Variants in P3H2 observed in about 807,000 individuals in gnomAD.
P3H2 encodes the protein prolyl 3-hydroxylase 2, also known as leprecan-like 1.
P3H2 carries 80 observed loss-of-function variants against 87.0 expected under a neutral mutation model. That is an observed-to-expected ratio of 0.92 (90% CI 0.77 to 1.11). The LOEUF (loss-of-function observed/expected upper bound fraction) is 1.11, where lower values mean the gene tolerates loss of function less well. Ranked by LOEUF, P3H2 falls within the 50% of genes least tolerant of loss-of-function variation. P3H2 has a pLI of 0.00. For synonymous variants in P3H2, 367 were observed against 359.3 expected, an observed-to-expected ratio of 1.02 and a Z score of -0.24; for missense variants, 1,001 against 923.9, an observed-to-expected ratio of 1.08 and a Z score of -1.08.
At position 189,994,138 on chromosome 3, in the gene P3H2, T is replaced by C. The variant is rs190460815; in HGVS notation, c.779A>G (p.Tyr260Cys). Residue 260 changes from tyrosine to cysteine, a missense_variant, in exon 3 of 15, where the codon TAT (tyrosine) becomes TGT (cysteine). Tyr to Cys is a radical substitution (Grantham distance 194). Coordinates refer to ENST00000319332, the MANE Select transcript of P3H2 (RefSeq NM_018192.4). ...LCEGPQRFEE[Y>C]EYLGYKAGLY... Reference sequence around the variant, plus strand: ...ACCAGCCTTATACCCTAAATACTCATATTCTTCAAATCTCTGAGGCCCCTC... The same window carrying C: ...ACCAGCCTTATACCCTAAATACTCACATTCTTCAAATCTCTGAGGCCCCTC... The C allele has an allele frequency of 6.2e-7, 1 of 1,613,604 alleles. No homozygotes were observed. Among genetic ancestry groups the C allele is most frequent in the Admixed American group, 1.7e-5 (1 of 59,980 alleles).
intron 1 of P3H2, among the ~76,000 whole-genome samples, chr3:190,003,676 G>T (rs1724290268): frequency 6.6e-6 from 1 of 152,146 alleles, no homozygotes; most frequent in African/African-American, 2.4e-5. Flanking sequence ...TAGACAAGTC[G>T]TCTCTGCCTC....
intron 1 of P3H2, among the ~76,000 whole-genome samples, chr3:190,015,375 A>G (rs1724719453): frequency 6.6e-6 from 1 of 152,200 alleles, no homozygotes; most frequent in Admixed American, 6.5e-5. Flanking sequence ...TCCACTTTAG[A>G]AACTAAATTG....
rs540488868 is a variant in P3H2 at position 190,006,224 on chromosome 3, T to C, written c.481-10782A>G. ...CTTGCATTGATCTTATAAATACTAA[T>C]TGCAATTAAGTCTATAGAAGACTAG... On this transcript the variant is annotated intron_variant, in intron 1 of 14. Transcript: ENST00000319332. Among the ~76,000 whole-genome samples the C allele has an allele frequency of 2.0e-5, 3 of 152,326 alleles. No individual in the cohort carries two copies. The South Asian group carries it at 6.2e-4, about 32-fold the overall frequency.
At chr3:190,067,143 C>A (rs1365910312) in intron 1 of P3H2, among the ~76,000 whole-genome samples, 1 of 151,776 alleles carries the variant, frequency 6.6e-6, no homozygotes, top group Non-Finnish European at 1.5e-5. Context: ...CCACACCCAG[C>A]CTTATTCTTA....
chr3:190,115,142 T>C (rs1352062979), intron 1 of P3H2, among the ~76,000 whole-genome samples: 1 of 152,216 alleles, frequency 6.6e-6, no homozygotes, highest in East Asian at 1.9e-4. Context: ...TCTAATGTAA[T>C]TGTGTCTTTA....
At chr3:190,097,773 T>C (rs1319929553) in intron 1 of P3H2, among the ~76,000 whole-genome samples, 1 of 152,186 alleles carries the variant, frequency 6.6e-6, no homozygotes, top group Admixed American at 6.5e-5. Flanking sequence ...AAGTGTTGTT[T>C]TAAGCAGCAG....
At position 189,962,161 on chromosome 3, in the gene P3H2, C is replaced by CTT. The variant is rs770628547; in HGVS notation, c.2034+1795_2034+1796dup. Among the ~76,000 whole-genome samples, 193 of 87,572 alleles carry CTT rather than the reference C, an allele frequency of 2.2e-3. 2 individuals are homozygous for CTT. Among genetic ancestry groups the CTT allele is most frequent in the African/African-American group, 7.4e-3 (156 of 21,166 alleles). The allele number at this position is 87,572 out of a possible 152,430, so 57.5% of individuals were successfully genotyped here. ...GCCTTTCTTTCTTTTTCTTCTTCTT[C>CTT]TTTTTTTTTTTTTTTTTTTTTTTTA... On this transcript the variant is annotated intron_variant, in intron 14 of 14. Coordinates refer to ENST00000319332, the MANE Select transcript of P3H2 (RefSeq NM_018192.4).
chr3:189,962,207 C>T (rs908627475), intron 14 of P3H2, among the ~76,000 whole-genome samples: 5 of 129,786 alleles, frequency 3.9e-5, no homozygotes, highest in Admixed American at 9.1e-5. Context: ...TCACTCTTGT[C>T]GCCCAGGTTA....
At chr3:190,093,240 A>T (rs1206457623) in intron 1 of P3H2, among the ~76,000 whole-genome samples, 1 of 152,230 alleles carries the variant, frequency 6.6e-6, no homozygotes, top group Non-Finnish European at 1.5e-5. Context: ...GCTCTGTGTC[A>T]TTTGTCTGCA....
At chr3:190,121,371 A>G (rs1290254390), upstream of P3H2, among the ~76,000 whole-genome samples, 1 of 151,932 alleles carries the variant, frequency 6.6e-6, no homozygotes, top group Non-Finnish European at 1.5e-5. Flanking sequence ...ATAAATAAAT[A>G]GAAAAAAAAC....
intron 1 of P3H2, among the ~76,000 whole-genome samples, chr3:190,065,982 T>G (rs186675441): frequency 1.3e-5 from 2 of 152,142 alleles, no homozygotes; most frequent in Admixed American, 6.5e-5. Context: ...TTCAGGAGTG[T>G]GCTATATAAT....
At chr3:189,964,648 T>G (rs1003452319) in intron 13 of P3H2, among the ~76,000 whole-genome samples, 2 of 152,290 alleles carry the variant, frequency 1.3e-5, no homozygotes, top group Non-Finnish European at 2.9e-5. Context: ...TAATTCTGTA[T>G]GATATTTCAT....
intron 2 of P3H2, among the ~76,000 whole-genome samples, chr3:189,994,801 G>C: frequency 6.7e-6 from 1 of 150,112 alleles, no homozygotes; most frequent in East Asian, 1.9e-4. Flanking sequence ...GTAATGTTTA[G>C]TCTATATAAA....
At chr3:190,089,751 C>A (rs941397655) in intron 1 of P3H2, among the ~76,000 whole-genome samples, 13 of 152,164 alleles carry the variant, frequency 8.5e-5, no homozygotes, top group African/African-American at 3.1e-4. Flanking sequence ...ACTTTCCAAA[C>A]CCATGGAGTC....
intron 13 of P3H2, 53 bp from the exon 14 acceptor site, chr3:189,964,151 C>T: frequency 2.0e-6 from 3 of 1,513,742 alleles, no homozygotes; most frequent in Non-Finnish European, 2.8e-6. Context: ...TAAACATTTC[C>T]ACAACTCCTG....
At chr3:189,990,133 A>G (rs1723834075) in intron 3 of P3H2, among the ~76,000 whole-genome samples, 1 of 152,184 alleles carries the variant, frequency 6.6e-6, no homozygotes, top group Non-Finnish European at 1.5e-5. Context: ...GAGGGACCCC[A>G]AAACACAACA....
rs372315659 is a variant in P3H2, at chr3:190,052,078, T to A, written c.481-56636A>T. Among the ~76,000 whole-genome samples, 7 of 152,232 alleles carry A rather than the reference T, an allele frequency of 4.6e-5. No homozygotes were observed. The East Asian group carries it at 1.2e-3, about 25-fold the overall frequency. ...AGAAATAGAATAAACAAATCATTTTTAAAATAAATTTTACTTTAAGTTCTG... is the reference window on the plus strand; with the variant it reads ...AGAAATAGAATAAACAAATCATTTTAAAAATAAATTTTACTTTAAGTTCTG... On this transcript the variant is annotated intron_variant, in intron 1 of 14. Coordinates refer to ENST00000319332, the MANE Select transcript of P3H2 (RefSeq NM_018192.4).
intron 1 of P3H2, among the ~76,000 whole-genome samples, chr3:190,114,641 A>C (rs1712219209): frequency 6.6e-6 from 1 of 152,202 alleles, no homozygotes. Flanking sequence ...AAATCTAGCT[A>C]GATGAACAAT....
intron 1 of P3H2, among the ~76,000 whole-genome samples, chr3:190,039,902 C>G (rs948680585): frequency 1.3e-5 from 2 of 152,150 alleles, no homozygotes; most frequent in African/African-American, 4.8e-5. Context: ...ATAATGAATG[C>G]ATTAAGCTTT....
Sources: allele counts gnomAD v4.1 joint callset (sites outside exome capture counted in the v4.1 genomes callset), GRCh38; gene constraint gnomAD v4.1.1; transcripts MANE v1.5; gene names NCBI Gene and HGNC (gene_info 2026-07-23, HGNC 2026-07-21).